CSMD1: variants seen among roughly 807,000 people sequenced by gnomAD.
CSMD1 encodes the protein CUB and sushi domain-containing protein 1.
A neutral mutation model predicts 417.5 loss-of-function variants in CSMD1; 213 were observed. The ratio of observed to expected loss-of-function variants is 0.51; its 90% CI spans 0.46 to 0.57. The LOEUF (loss-of-function observed/expected upper bound fraction) is 0.57. Among genes scored for constraint, CSMD1 ranks in the 20% least tolerant of loss-of-function variants. The pLI, the probability that CSMD1 is intolerant of heterozygous loss-of-function variation, is 0.00. For missense variants in CSMD1, 6,923 were observed against 4,529.7 expected (o/e 1.53, Z -15.17); for synonymous variants, 2,862 against 1,736.8 (o/e 1.65, Z -16.11).
At chr8:4,872,146 T>C (rs1428823461) in intron 1 of CSMD1, among the ~76,000 whole-genome samples, 1 of 152,152 alleles carries the variant, frequency 6.6e-6, no homozygotes, top group Non-Finnish European at 1.5e-5. Flanking sequence ...GTATTGAATA[T>C]GTAGCAAATG....
intron 5 of CSMD1, among the ~76,000 whole-genome samples, chr8:3,852,722 T>C (rs1804001136): frequency 6.6e-6 from 1 of 151,910 alleles, no homozygotes; most frequent in East Asian, 1.9e-4. Flanking sequence ...ACGGGAGAGA[T>C]GGAGGGTCAG....
At chr8:3,902,628 G>A (rs1003637408) in intron 5 of CSMD1, among the ~76,000 whole-genome samples, 1 of 152,030 alleles carries the variant, frequency 6.6e-6, no homozygotes, top group Non-Finnish European at 1.5e-5. Context: ...CTGAGAGGAG[G>A]CAGAGCTCAG....
At chr8:3,918,518 G>A (rs924933652) in intron 5 of CSMD1, among the ~76,000 whole-genome samples, 1 of 151,916 alleles carries the variant, frequency 6.6e-6, no homozygotes, top group African/African-American at 2.4e-5. Flanking sequence ...TGGGTTATTT[G>A]CCCATTTTTA....
At chr8:3,314,913 GT>G (rs1201021235) in intron 23 of CSMD1, among the ~76,000 whole-genome samples, 4 of 152,218 alleles carry the variant, frequency 2.6e-5, no homozygotes, top group Non-Finnish European at 1.5e-5. Flanking sequence ...AGTAATGTGA[GT>G]TTTTTCAGCT....
chr8:3,480,456 C>G (rs1046889742), intron 11 of CSMD1, among the ~76,000 whole-genome samples: 1 of 152,064 alleles, frequency 6.6e-6, no homozygotes, highest in Admixed American at 6.5e-5. Context: ...AAAAAAGAAT[C>G]CAACTATTTT....
intron 2 of CSMD1, among the ~76,000 whole-genome samples, chr8:4,544,718 T>G (rs974156458): frequency 2.6e-5 from 4 of 152,236 alleles, no homozygotes; most frequent in Non-Finnish European, 5.9e-5. Flanking sequence ...AAATTCATTC[T>G]CAGGCATGGG....
chr8:4,035,375 G>C (rs1201915515), intron 3 of CSMD1, among the ~76,000 whole-genome samples: 2 of 152,102 alleles, frequency 1.3e-5, no homozygotes, highest in East Asian at 1.9e-4. Context: ...CATTATTTCA[G>C]AGTGTGCTTC....
intron 54 of CSMD1, among the ~76,000 whole-genome samples, chr8:2,984,820 C>A (rs1040591955): frequency 2.0e-5 from 3 of 152,258 alleles, no homozygotes; most frequent in African/African-American, 7.2e-5. Flanking sequence ...ATCGTCCATA[C>A]CACCATCGAC....
chr8:3,525,642 A>G (rs898907899), intron 10 of CSMD1, among the ~76,000 whole-genome samples: 1 of 152,152 alleles, frequency 6.6e-6, no homozygotes, highest in African/African-American at 2.4e-5. Context: ...ACATTCTATC[A>G]ATCTCATCAT....
chr8:3,827,061 C>T (rs1423358156), intron 5 of CSMD1, among the ~76,000 whole-genome samples: 1 of 152,152 alleles, frequency 6.6e-6, no homozygotes, highest in Non-Finnish European at 1.5e-5. Context: ...ACATTATAGG[C>T]ATGAGCCACC....
At chr8:4,496,329 T>G (rs1156279718) in intron 2 of CSMD1, among the ~76,000 whole-genome samples, 2 of 152,260 alleles carry the variant, frequency 1.3e-5, no homozygotes, top group Admixed American at 1.3e-4. Context: ...ACTCCTTAGG[T>G]TCTGCTCAGA....
chr8:3,461,243 C>T (rs17066195), intron 12 of CSMD1, among the ~76,000 whole-genome samples: 5,100 of 152,322 alleles, frequency 0.033, 165 homozygotes, highest in East Asian at 0.15. Flanking sequence ...CTACTGACCC[C>T]GAGACCTGGC....
Position 4,356,010 on chromosome 8 carries a change from GTTAC to G in CSMD1, c.415+63939_415+63942del, listed in dbSNP as rs1584949035. The stretch of plus-strand genomic sequence containing the variant: ...GATATTGGGGTACATGTGGCATTTG[GTTAC>G]TTAAGTTACTGGTGTTTGGGAGATC... On this transcript the variant is annotated intron_variant, in intron 3 of 69. Transcript: ENST00000635120. 2.0e-5 allele frequency among the ~76,000 whole-genome samples: 3 copies of G among 152,146 alleles called. No homozygotes were observed. In the East Asian group the frequency reaches 5.8e-4, roughly 29 times the overall value.
chr8:4,698,684 C>G (rs1207985622), intron 1 of CSMD1, among the ~76,000 whole-genome samples: 3 of 151,024 alleles, frequency 2.0e-5, no homozygotes, highest in African/African-American at 4.9e-5. Context: ...AAGAAGCCCT[C>G]CTCCCTCTGT....
chr8:3,314,832 G>A (rs1189138860), intron 23 of CSMD1, among the ~76,000 whole-genome samples: 2 of 152,170 alleles, frequency 1.3e-5, no homozygotes, highest in African/African-American at 4.8e-5. Context: ...TCCAAATAAA[G>A]CACTTGTGTT....
intron 3 of CSMD1, among the ~76,000 whole-genome samples, chr8:4,046,315 CCTGGAAGTTAG>C (rs1226030464): frequency 1.8e-4 from 28 of 152,120 alleles, no homozygotes; most frequent in Admixed American, 1.1e-3. Flanking sequence ...TCTTCTTTGT[CCTGGAAGTTAG>C]CTTCTAAAAA....
At chr8:3,402,487 GAAGA>G (rs1334256193) in intron 15 of CSMD1, among the ~76,000 whole-genome samples, 1 of 152,116 alleles carries the variant, frequency 6.6e-6, no homozygotes. Flanking sequence ...GTTAGAAGCA[GAAGA>G]AAGAGAGAAA....
intron 1 of CSMD1, among the ~76,000 whole-genome samples, chr8:4,651,557 T>C (rs1214548005): frequency 2.0e-5 from 3 of 152,202 alleles, no homozygotes; most frequent in Non-Finnish European, 4.4e-5. Context: ...ATTTACTATT[T>C]TACTTAAGAA....
chr8:4,574,784 G>C (rs745623542), intron 2 of CSMD1, among the ~76,000 whole-genome samples: 1 of 152,208 alleles, frequency 6.6e-6, no homozygotes, highest in Non-Finnish European at 1.5e-5. Context: ...AACACTCATA[G>C]TTTCTGCATT....
Sources: gnomAD v4.1 joint callset for allele counts (sites outside exome capture counted in the v4.1 genomes callset) on GRCh38, gnomAD v4.1.1 for gene constraint, MANE v1.5 for transcripts, NCBI Gene and HGNC (gene_info 2026-07-23, HGNC 2026-07-21) for gene names.